ZFHX3: variants seen among roughly 807,000 people sequenced by gnomAD.
ZFHX3 encodes zinc finger homeobox protein 3.
In ZFHX3, 42 loss-of-function variants were observed where a neutral mutation model predicts 279.1. The observed-to-expected ratio is 0.15, with a 90% confidence interval of 0.12 to 0.19. ZFHX3 has a LOEUF of 0.19. ZFHX3 is among the 10% of genes least tolerant of loss of function. ZFHX3 has a pLI of 1.00. For synonymous variants in ZFHX3, 2,293 were observed against 1,957.8 expected (o/e 1.17, Z -4.52); for missense variants, 4,981 against 4,754.0 (o/e 1.05, Z -1.40).
chr16:73,177,320 G>A (rs566977731), intron 5 of ZFHX3, among the ~76,000 whole-genome samples: 1 of 152,254 alleles, frequency 6.6e-6, no homozygotes, highest in South Asian at 2.1e-4. Context: ...AGATAAATGG[G>A]GTTTTTGGAA....
At chr16:73,143,681 C>CT in intron 6 of ZFHX3, 3 of 1,160,660 alleles carry the variant, frequency 2.6e-6, no homozygotes, top group Non-Finnish European at 3.5e-6. Context: ...GCTGGTTAGT[C>CT]TTTTTTGACT....
intron 4 of ZFHX3, among the ~76,000 whole-genome samples, chr16:73,284,807 A>C (rs2143074276): frequency 6.6e-6 from 1 of 152,262 alleles, no homozygotes; most frequent in South Asian, 2.1e-4. Context: ...CCCTTCACCT[A>C]AATAGGCATA....
At chr16:72,964,015 G>C (rs1480077136) in intron 1 of ZFHX3, among the ~76,000 whole-genome samples, 1 of 152,252 alleles carries the variant, frequency 6.6e-6, no homozygotes, top group Admixed American at 6.5e-5. Context: ...TTGCCTCCAA[G>C]AATATCCCAT....
At chr16:73,887,877 T>C (rs1270254237) in intron 1 of ZFHX3, among the ~76,000 whole-genome samples, 1 of 152,142 alleles carries the variant, frequency 6.6e-6, no homozygotes, top group African/African-American at 2.4e-5. Flanking sequence ...AAACAAACTT[T>C]TCCACCTCTT....
chr16:73,548,024 A>G (rs933391153), intron 2 of ZFHX3, among the ~76,000 whole-genome samples: 1 of 152,212 alleles, frequency 6.6e-6, no homozygotes, highest in African/African-American at 2.4e-5. Context: ...CTGTAACCAC[A>G]CTTACACAGT....
chr16:73,839,326 CAAAAAAAAAAAAAAAAAAAA>C lies in ZFHX3; in HGVS notation c.-1608+52305_-1608+52324del, dbSNP rs777484716. ...GCAGCAACAGAGCAAGACTCCATCT[CAAAAAAAAAAAAAAAAAAAA>C]AAAAAAAAAAAAAAAAAAAAGTTAG... On this transcript the variant is annotated intron_variant, in intron 1 of 17. Coordinates refer to the ZFHX3 transcript ENST00000641206. 9.3e-4 allele frequency among the ~76,000 whole-genome samples: 28 copies of C among 30,046 alleles called. 1 individual carries two copies. The highest frequency in any genetic ancestry group is 7.2e-3 in the South Asian group (5 of 692). 19.7% of individuals were successfully genotyped at this position (30,046 alleles called of 152,430 possible).
intron 3 of ZFHX3, among the ~76,000 whole-genome samples, chr16:73,424,084 C>T (rs143824376): frequency 6.6e-6 from 1 of 152,196 alleles, no homozygotes; most frequent in African/African-American, 2.4e-5. Flanking sequence ...CATCTGAGAG[C>T]CCACCCTACC....
intron 1 of ZFHX3, among the ~76,000 whole-genome samples, chr16:73,692,506 A>G (rs1402727183): frequency 2.0e-5 from 3 of 152,218 alleles, no homozygotes; most frequent in Non-Finnish European, 4.4e-5. Context: ...TAAAGGAGGT[A>G]ACTATTTTTA....
chr16:72,950,735 A>G lies in ZFHX3; in HGVS notation c.2950T>C (p.Tyr984His). The change falls in exon 3 of 10, where the codon TAC becomes CAC. Residue 984 changes from tyrosine (Y) to histidine (H), a missense_variant. Around this residue, in one of 7 missense-constraint regions of ZFHX3, gnomAD observed 1,751 missense variants for 1,770.0 expected, o/e 0.99. Transcript: ENST00000268489. ...DEWKAVMGDS[Y>H]QCKLCRYNTQ... The stretch of plus-strand genomic sequence containing the variant: ...TTGTAGCGGCAGAGCTTGCACTGGT[A>G]TGAGTCCCCCATCACCGCCTTCCAC... The G allele has an allele frequency of 6.2e-7, 1 of 1,614,168 alleles. No individual in the cohort carries two copies. Among genetic ancestry groups the G allele is most frequent in the Non-Finnish European group, 8.5e-7 (1 of 1,180,038 alleles).
chr16:73,646,330 C>T (rs1021376700), intron 2 of ZFHX3, among the ~76,000 whole-genome samples: 1 of 151,814 alleles, frequency 6.6e-6, no homozygotes, highest in African/African-American at 2.4e-5. Flanking sequence ...ATGAGGGTAC[C>T]CACCTCATAA....
chr16:73,030,454 G>C (rs1964656454), intron 1 of ZFHX3, among the ~76,000 whole-genome samples: 1 of 152,242 alleles, frequency 6.6e-6, no homozygotes, highest in Non-Finnish European at 1.5e-5. Flanking sequence ...CTGGGAGGAT[G>C]TAATTGGTGA....
At chr16:73,542,827 T>G (rs1032417847) in intron 2 of ZFHX3, among the ~76,000 whole-genome samples, 4 of 152,134 alleles carry the variant, frequency 2.6e-5, no homozygotes, top group Non-Finnish European at 5.9e-5. Flanking sequence ...CATGTTGTAT[T>G]TTATTTGGGA....
chr16:73,624,360 C>A (rs116043987), intron 2 of ZFHX3, among the ~76,000 whole-genome samples: 1 of 151,986 alleles, frequency 6.6e-6, no homozygotes, highest in Non-Finnish European at 1.5e-5. Flanking sequence ...TTGCCGTTAT[C>A]GTGAGTTTAA....
In ZFHX3 at chr16:73,325,890, TACACACACACAAACACACACACACAC is replaced by T. The variant is rs1358824678; in HGVS notation, c.-1290-7580_-1290-7555del. 4.8e-5 allele frequency among the ~76,000 whole-genome samples: 5 copies of T among 104,422 alleles called. No individual in the cohort carries two copies. The East Asian group carries it at 1.3e-3, about 26-fold the overall frequency. 68.5% of individuals were successfully genotyped at this position (104,422 alleles called of 152,430 possible). Reference sequence around the variant, plus strand: ...AGAATTATGGAGTTTGGTCTAATAATACACACACACAAACACACACACACACACACACACACAAACACACACACACA... The same window carrying T: ...AGAATTATGGAGTTTGGTCTAATAATACACACACACAAACACACACACACA... On this transcript the variant is annotated intron_variant, in intron 3 of 17. Transcript: ENST00000641206.
At position 72,797,254 on chromosome 16, in the gene ZFHX3, T is replaced by C; in HGVS notation, c.5428A>G (p.Asn1810Asp). Residue 1810 changes from asparagine to aspartate, a missense_variant, in exon 9 of 10, where the codon AAC (asparagine) becomes GAC (aspartate). Asn to Asp is a conservative substitution (Grantham distance 23). Around this residue, in one of 7 missense-constraint regions of ZFHX3, gnomAD observed 1,751 missense variants for 1,770.0 expected, o/e 0.99. Coordinates refer to ENST00000268489, the MANE Select transcript of ZFHX3 (RefSeq NM_006885.4). Reference sequence around the variant, plus strand: ...GTCACTGGCAAGCTCACCTCGGGGTTAAGCTGGAACTCAGCACTGGGGATG... The same window carrying C: ...GTCACTGGCAAGCTCACCTCGGGGTCAAGCTGGAACTCAGCACTGGGGATG... ...FYIPSAEFQL[N>D]PEVSLPVTSG... 6.2e-7 allele frequency: 1 copy of C among 1,613,570 alleles called. No homozygotes were observed. Among genetic ancestry groups the C allele is most frequent in the Non-Finnish European group, 8.5e-7 (1 of 1,179,718 alleles).
At chr16:73,186,769 T>C (rs914277002) in intron 5 of ZFHX3, among the ~76,000 whole-genome samples, 4 of 152,174 alleles carry the variant, frequency 2.6e-5, no homozygotes, top group Non-Finnish European at 5.9e-5. Context: ...CAATGCCCAT[T>C]ATATTATTGT....
At chr16:73,012,045 C>T (rs952595810) in intron 1 of ZFHX3, among the ~76,000 whole-genome samples, 4 of 152,272 alleles carry the variant, frequency 2.6e-5, no homozygotes, top group Non-Finnish European at 5.9e-5. Flanking sequence ...AAAACACATT[C>T]GAGCTAAACA....
At chr16:73,433,439 C>T (rs1412948641) in intron 3 of ZFHX3, among the ~76,000 whole-genome samples, 4 of 152,126 alleles carry the variant, frequency 2.6e-5, no homozygotes. Flanking sequence ...CACAGCACCC[C>T]CTCCTCAGCA....
intron 7 of ZFHX3, among the ~76,000 whole-genome samples, chr16:73,106,625 A>G (rs1966308458): frequency 6.6e-6 from 1 of 152,348 alleles, no homozygotes; most frequent in East Asian, 1.9e-4. Flanking sequence ...GGCAATAACT[A>G]GAGAGGCTGT....
Sources: allele counts gnomAD v4.1 joint callset (sites outside exome capture counted in the v4.1 genomes callset), GRCh38; gene constraint gnomAD v4.1.1; regional missense constraint gnomAD v4.1.1; transcripts MANE v1.5; gene names NCBI Gene and HGNC (gene_info 2026-07-23, HGNC 2026-07-21).